Variants in CEP128 observed in about 807,000 individuals in gnomAD.
CEP128 encodes the protein centrosomal protein 128, also known as centrosomal protein 128kDa.
Under a neutral mutation model 156.7 loss-of-function variants are expected in CEP128, and 132 were observed. The observed-to-expected ratio is 0.84, with a 90% confidence interval of 0.73 to 0.97. The LOEUF (loss-of-function observed/expected upper bound fraction) is 0.97. CEP128 is among the 50% of genes least tolerant of loss of function. CEP128 has a pLI of 0.00. For missense variants in CEP128, 1,252 were observed against 1,281.9 expected, an observed-to-expected ratio of 0.98 and a Z score of 0.36; for synonymous variants, 469 against 448.9, an observed-to-expected ratio of 1.04 and a Z score of -0.57.
At chr14:80,859,473 A>G (rs1887403596) in intron 9 of CEP128, among the ~76,000 whole-genome samples, 1 of 151,730 alleles carries the variant, frequency 6.6e-6, no homozygotes, top group Non-Finnish European at 1.5e-5. Context: ...GGTGCAGCGC[A>G]GCAGCATGGC....
intron 14 of CEP128, among the ~76,000 whole-genome samples, chr14:80,789,155 T>C (rs1162341769): frequency 6.6e-6 from 1 of 151,898 alleles, no homozygotes; most frequent in Non-Finnish European, 1.5e-5. Flanking sequence ...AAGAAAGAAA[T>C]TGAAGATGTG....
chr14:80,866,655 C>CTA (rs1265542088), intron 8 of CEP128, among the ~76,000 whole-genome samples: 1 of 152,132 alleles, frequency 6.6e-6, no homozygotes, highest in Non-Finnish European at 1.5e-5. Context: ...CAAAGCCAGT[C>CTA]TATAAAGTCT....
intron 8 of CEP128, among the ~76,000 whole-genome samples, chr14:80,884,890 G>A (rs1163267473): frequency 6.6e-6 from 1 of 152,196 alleles, no homozygotes; most frequent in Non-Finnish European, 1.5e-5. Flanking sequence ...ACAAAGCCCA[G>A]CAAGCTAAGA....
At chr14:80,700,932 T>G (rs1897053665) in intron 19 of CEP128, among the ~76,000 whole-genome samples, 1 of 152,126 alleles carries the variant, frequency 6.6e-6, no homozygotes, top group Non-Finnish European at 1.5e-5. Flanking sequence ...ATATCACATA[T>G]AGGAGAGTCT....
intron 20 of CEP128, among the ~76,000 whole-genome samples, chr14:80,561,206 C>T (rs1595005358): frequency 6.6e-6 from 1 of 152,196 alleles, no homozygotes; most frequent in African/African-American, 2.4e-5. Context: ...TAAATGAATA[C>T]ATTATGCAAA....
chr14:80,864,852 C>T (rs1213683832), intron 8 of CEP128, among the ~76,000 whole-genome samples: 2 of 152,204 alleles, frequency 1.3e-5, no homozygotes, highest in African/African-American at 4.8e-5. Context: ...CCACCATGCC[C>T]AGCCTTTGAT....
chr14:80,816,946 G>A (rs536210792), intron 13 of CEP128, among the ~76,000 whole-genome samples: 3 of 140,746 alleles, frequency 2.1e-5, no homozygotes, highest in Non-Finnish European at 4.6e-5. Flanking sequence ...CAATGTATGT[G>A]CTACGTTATT....
At chr14:80,492,251 A>T (rs772363823), downstream of CEP128, among the ~76,000 whole-genome samples, 1 of 152,242 alleles carries the variant, frequency 6.6e-6, no homozygotes, top group African/African-American at 2.4e-5. Flanking sequence ...TAAATACTGT[A>T]TTAAAAATAG....
At chr14:80,609,419 A>T (rs1010992371) in intron 19 of CEP128, among the ~76,000 whole-genome samples, 1 of 152,186 alleles carries the variant, frequency 6.6e-6, no homozygotes, top group Non-Finnish European at 1.5e-5. Context: ...GGAATTTTAT[A>T]TTATTAAGAT....
At chr14:80,662,070 A>G (rs1054022130) in intron 19 of CEP128, among the ~76,000 whole-genome samples, 1 of 152,206 alleles carries the variant, frequency 6.6e-6, no homozygotes, top group Non-Finnish European at 1.5e-5. Context: ...TACGAGCAAC[A>G]TGATCTCAGC....
chr14:80,893,508 C>CAAAAAAA (rs55840549), intron 8 of CEP128, among the ~76,000 whole-genome samples: 2 of 140,250 alleles, frequency 1.4e-5, no homozygotes, highest in African/African-American at 2.6e-5. Context: ...CAAACCAAAA[C>CAAAAAAA]AAAAAAAAAA....
At chr14:80,855,664 C>T (rs892270846) in intron 9 of CEP128, among the ~76,000 whole-genome samples, 44 of 152,116 alleles carry the variant, frequency 2.9e-4, no homozygotes, top group Admixed American at 9.2e-4. Flanking sequence ...TAAGCAAAGG[C>T]GAGTCCAAGA....
At chr14:80,495,497 C>T (rs1484474876), downstream of CEP128, among the ~76,000 whole-genome samples, 1 of 151,972 alleles carries the variant, frequency 6.6e-6, no homozygotes, top group Non-Finnish European at 1.5e-5. Context: ...CCAACAGTAG[C>T]ACAGAGCATT....
chr14:80,959,428 T>A (rs1407710887), intron 1 of CEP128: 6 of 152,244 alleles, frequency 3.9e-5, no homozygotes, highest in Non-Finnish European at 1.5e-5. Context: ...TCACCCTCTC[T>A]TACTCAGAAA....
intron 19 of CEP128, among the ~76,000 whole-genome samples, chr14:80,627,209 T>C (rs1194657632): frequency 6.6e-6 from 1 of 152,160 alleles, no homozygotes; most frequent in African/African-American, 2.4e-5. Context: ...TTAGAATCAA[T>C]TGTGCAAGAG....
intron 19 of CEP128, among the ~76,000 whole-genome samples, chr14:80,635,527 C>G (rs1337403728): frequency 6.6e-6 from 1 of 152,096 alleles, no homozygotes; most frequent in Admixed American, 6.5e-5. Flanking sequence ...CTAAAATTTA[C>G]GCTGCAAGAA....
intron 21 of CEP128, among the ~76,000 whole-genome samples, chr14:80,533,762 G>C (rs1889344447): frequency 6.6e-6 from 1 of 151,326 alleles, no homozygotes; most frequent in Non-Finnish European, 1.5e-5. Flanking sequence ...TTTATGCATT[G>C]CTTATAAATA....
rs79677103 is a variant in CEP128, at chr14:80,671,999, G to A, written c.2806+71076C>T. On this transcript the variant is annotated intron_variant, in intron 19 of 24. Transcript: ENST00000555265. Reference sequence around the variant, plus strand: ...AAAGCACCTTTCACAATTCCAATTCGGTAAAAGCAAAAACAGAGATTTACA... The same window carrying A: ...AAAGCACCTTTCACAATTCCAATTCAGTAAAAGCAAAAACAGAGATTTACA... Among the ~76,000 whole-genome samples, 1,176 of 151,904 alleles carry A rather than the reference G, an allele frequency of 7.7e-3. 5 individuals carry two copies. Among genetic ancestry groups the A allele is most frequent in the Non-Finnish European group, 0.013 (878 of 67,956 alleles).
chr14:80,488,657 C>T (rs76584896), downstream of CEP128, among the ~76,000 whole-genome samples: 73,280 of 151,724 alleles, frequency 0.48, 18,761 homozygotes, highest in East Asian at 0.69. Context: ...GGATTATAAA[C>T]CATGTTGCTA....
Sources: allele counts gnomAD v4.1 joint callset (sites outside exome capture counted in the v4.1 genomes callset), GRCh38; gene constraint gnomAD v4.1.1; transcripts MANE v1.5; gene names NCBI Gene and HGNC (gene_info 2026-07-23, HGNC 2026-07-21).